Variants in HIVEP2 observed in about 807,000 individuals in gnomAD.
HIVEP2 encodes the protein HIVEP zinc finger 2.
HIVEP2 carries 14 observed loss-of-function variants against 180.7 expected under a neutral mutation model. That is an observed-to-expected ratio of 0.08 (90% CI 0.05 to 0.12). HIVEP2 has a LOEUF of 0.12. Ranked by LOEUF, HIVEP2 falls within the 10% of genes least tolerant of loss-of-function variation. HIVEP2 has a pLI of 1.00. For synonymous variants in HIVEP2, 1,184 were observed against 1,136.4 expected (o/e 1.04, Z -0.84); for missense variants, 2,579 against 3,008.5 (o/e 0.86, Z 3.34).
intron 1 of HIVEP2, among the ~76,000 whole-genome samples, chr6:142,870,869 G>C (rs962531311): frequency 6.6e-6 from 1 of 152,166 alleles, no homozygotes; most frequent in Admixed American, 6.5e-5. Flanking sequence ...TTTAAAAATA[G>C]AGTTGTTTCT....
chr6:142,793,430 GA>G (rs1411485142), intron 2 of HIVEP2, among the ~76,000 whole-genome samples: 2 of 152,068 alleles, frequency 1.3e-5, no homozygotes, highest in East Asian at 3.9e-4. Flanking sequence ...TTTAACAAAG[GA>G]AATTGATGAC....
In HIVEP2 at chr6:142,810,706, G is replaced by C. The variant is rs141269287; in HGVS notation, c.-528+26229C>G. Among the ~76,000 whole-genome samples the C allele has an allele frequency of 7.7e-4, 114 of 147,140 alleles. 1 individual carries two copies. The highest frequency in any genetic ancestry group is 1.3e-3 in the Non-Finnish European group (85 of 67,316). ...GAACCCGGAAGGTGGAGGTTGCAGT[G>C]AGCTAAGATCGCGCCACTGCACTAC... On this transcript the variant is annotated intron_variant, in intron 2 of 9. Transcript: ENST00000367603.
rs200882322 is a variant in HIVEP2 at position 142,772,987 on chromosome 6, T to C, written c.1752A>G (p.Ile584Met). 7.1e-5 allele frequency: 115 copies of C among 1,613,960 alleles called. No homozygotes were observed. The highest frequency in any genetic ancestry group is 4.3e-5 in the Non-Finnish European group (51 of 1,180,030). The change falls in exon 5 of 10, where the codon ATA becomes ATG. Residue 584 changes from isoleucine to methionine, a missense_variant. Transcript: ENST00000367603. This position sits in a 1 kb window ranked among gnomAD's most constrained non-coding sequence, Gnocchi z 4.9. ...GTCTTCTTAGCATGCGCTGAGGGGG[T>C]ATGCCCACGGTCCCTGGATAGAATA... The part of the protein sequence containing the change: ...DDVFYPGTVG[I>M]PPQRMLRRQA...
intron 2 of HIVEP2, among the ~76,000 whole-genome samples, chr6:142,800,361 G>A (rs1057489456): frequency 1.3e-5 from 2 of 152,090 alleles, no homozygotes; most frequent in Non-Finnish European, 2.9e-5. Context: ...AATATGGTGG[G>A]ACTCTAACTG....
intron 1 of HIVEP2, among the ~76,000 whole-genome samples, chr6:142,923,484 G>A (rs1777730726): frequency 6.6e-6 from 1 of 152,118 alleles, no homozygotes; most frequent in South Asian, 2.1e-4. Context: ...CCAACCAAGA[G>A]GATATATTGA....
intron 2 of HIVEP2, among the ~76,000 whole-genome samples, chr6:142,834,811 T>G (rs1321176259): frequency 6.6e-6 from 1 of 152,094 alleles, no homozygotes; most frequent in Non-Finnish European, 1.5e-5. Flanking sequence ...TTTTTAAAAT[T>G]TATTATTTGT....
Position 142,752,877 on chromosome 6 carries a change from T to C in HIVEP2, c.*230A>G, listed in dbSNP as rs1296557139. 1 of 472,658 alleles carries C rather than the reference T, an allele frequency of 2.1e-6. No homozygotes were observed. The highest frequency in any genetic ancestry group is 3.6e-5 in the Admixed American group (1 of 27,772). 29.3% of individuals were successfully genotyped at this position (472,658 alleles called of 1,614,324 possible). A position where few individuals can be genotyped will look rare whatever the true frequency, so the allele number is the denominator to read the frequency against. ...AGTAAAGAAAAGGCACAAACATCTG[T>C]ACAATTTTAAAAGTACCAGACCCAA... On this transcript the variant is annotated 3_prime_UTR_variant, in exon 10 of 10. Transcript: ENST00000367603.
intron 1 of HIVEP2, among the ~76,000 whole-genome samples, chr6:142,906,269 A>T (rs1286624530): frequency 6.6e-6 from 1 of 152,224 alleles, no homozygotes; most frequent in Non-Finnish European, 1.5e-5. Flanking sequence ...AATATCATTT[A>T]AATGTGCAAA....
chr6:142,810,686 C>T (rs1008794654), intron 2 of HIVEP2, among the ~76,000 whole-genome samples: 5 of 149,074 alleles, frequency 3.4e-5, no homozygotes, highest in African/African-American at 5.0e-5. Flanking sequence ...TGCTTGAACC[C>T]GGAAGGTGGA....
intron 1 of HIVEP2, among the ~76,000 whole-genome samples, chr6:142,924,035 G>T (rs559861895): frequency 6.6e-6 from 1 of 152,116 alleles, no homozygotes; most frequent in Non-Finnish European, 1.5e-5. Flanking sequence ...TAAATCAATA[G>T]GTCAATGAGC....
rs969588492 is a variant in HIVEP2 at position 142,907,685 on chromosome 6, T to C, written c.-641+37414A>G. Reference sequence around the variant, plus strand: ...AGCTCAAGAAGGGAGTGAAACCCCATAAACAAACAGCTGTGATCAACAGGC... The same window carrying C: ...AGCTCAAGAAGGGAGTGAAACCCCACAAACAAACAGCTGTGATCAACAGGC... On this transcript the variant is annotated intron_variant, in intron 1 of 9. Transcript: ENST00000367603. 2.6e-5 allele frequency among the ~76,000 whole-genome samples: 4 copies of C among 152,128 alleles called. No individual in the cohort carries two copies. The East Asian group carries it at 7.7e-4, about 29-fold the overall frequency.
chr6:142,945,563 G>A (rs1778307855), upstream of HIVEP2, among the ~76,000 whole-genome samples: 1 of 152,228 alleles, frequency 6.6e-6, no homozygotes, highest in South Asian at 2.1e-4. This position sits in a 1 kb window ranked among gnomAD's most constrained non-coding sequence, Gnocchi z 5.5. Flanking sequence ...CGCACCCCGA[G>A]GCTGCACCCA....
At chr6:142,861,797 A>T (rs928411552) in intron 1 of HIVEP2, among the ~76,000 whole-genome samples, 11 of 152,188 alleles carry the variant, frequency 7.2e-5, no homozygotes, top group Non-Finnish European at 1.0e-4. Context: ...TTAGAAAAGG[A>T]TTCCATTTCA....
chr6:142,926,104 C>T (rs561314590), intron 1 of HIVEP2, among the ~76,000 whole-genome samples: 39 of 152,282 alleles, frequency 2.6e-4, no homozygotes, highest in African/African-American at 8.4e-4. Flanking sequence ...AAATATAGTT[C>T]TAAAGATGAT....
intron 1 of HIVEP2, among the ~76,000 whole-genome samples, chr6:142,926,762 G>A (rs940566133): frequency 6.6e-6 from 1 of 152,234 alleles, no homozygotes; most frequent in East Asian, 1.9e-4. Flanking sequence ...GCCGGGGCGC[G>A]CGTTCTCCCT....
chr6:142,853,732 C>A (rs1775749864), intron 1 of HIVEP2, among the ~76,000 whole-genome samples: 1 of 152,144 alleles, frequency 6.6e-6, no homozygotes, highest in Admixed American at 6.5e-5. Context: ...AATAGCAAGA[C>A]ACAGATGGGC....
At chr6:142,844,182 AAG>A (rs2114903958) in intron 1 of HIVEP2, among the ~76,000 whole-genome samples, 1 of 152,272 alleles carries the variant, frequency 6.6e-6, no homozygotes, top group South Asian at 2.1e-4. Flanking sequence ...TTAATCTTAA[AAG>A]AGTTTTTCCT....
intron 2 of HIVEP2, among the ~76,000 whole-genome samples, chr6:142,794,630 A>G (rs1443972196): frequency 2.6e-5 from 4 of 152,236 alleles, no homozygotes. Context: ...AGCTATGGTC[A>G]AATTTCCAGC....
At chr6:142,925,057 TAG>T (rs1400673811) in intron 1 of HIVEP2, among the ~76,000 whole-genome samples, 2 of 152,142 alleles carry the variant, frequency 1.3e-5, no homozygotes, top group African/African-American at 4.8e-5. Flanking sequence ...TTAAATCTTA[TAG>T]AGAGTAAACA....
Sources: gnomAD v4.1 joint callset for allele counts (sites outside exome capture counted in the v4.1 genomes callset) on GRCh38, gnomAD v4.1.1 for gene constraint, Gnocchi (gnomAD v3.1) non-coding constraint, MANE v1.5 for transcripts, NCBI Gene and HGNC (gene_info 2026-07-23, HGNC 2026-07-21) for gene names.